ZBTB44: variants seen among roughly 807,000 people sequenced by gnomAD.
ZBTB44 encodes the protein zinc finger and BTB domain containing 44, also known as zinc finger and BTB domain-containing protein 44.
Under a neutral mutation model 54.0 loss-of-function variants are expected in ZBTB44, and 15 were observed. The observed-to-expected ratio is 0.28, with a 90% CI of 0.19 to 0.43. The LOEUF (loss-of-function observed/expected upper bound fraction) is 0.43. ZBTB44 is among the 20% of genes least tolerant of loss of function. ZBTB44 has a pLI of 1.00. For missense variants in ZBTB44, 487 were observed against 707.1 expected, an observed-to-expected ratio of 0.69 and a Z score of 3.53; for synonymous variants, 230 against 250.1, an observed-to-expected ratio of 0.92 and a Z score of 0.76.
chr11:130,273,985 G>A (rs1939870733), intron 1 of ZBTB44, among the ~76,000 whole-genome samples: 1 of 151,838 alleles, frequency 6.6e-6, no homozygotes, highest in Non-Finnish European at 1.5e-5. Context: ...CTAGTAGGGG[G>A]GCTGAGGCAG....
intron 1 of ZBTB44, among the ~76,000 whole-genome samples, chr11:130,303,292 G>A (rs893022413): frequency 1.3e-5 from 2 of 152,256 alleles, no homozygotes; most frequent in East Asian, 1.9e-4. Flanking sequence ...TGCTGAGTGC[G>A]TAAAAAACTA....
In ZBTB44 at chr11:130,238,575, T is replaced by C. The variant is rs1405350755; in HGVS notation, c.1136A>G (p.Tyr379Cys). Residue 379 changes from tyrosine to cysteine, a missense_variant, in exon 4 of 8, where the codon TAC becomes TGC. Tyr to Cys is a radical substitution (Grantham distance 194). Around this residue, in one of 3 missense-constraint regions of ZBTB44, gnomAD observed 277 missense variants for 306.5 expected, o/e 0.90. Coordinates refer to ENST00000357899, the MANE Select transcript of ZBTB44 (RefSeq NM_001301098.2). ...TGTACTGCTGGTGGAAGGAGCAATG[T>C]AGAGTTGGTAGGGATACTGAACATT... is the stretch of plus-strand genomic sequence containing the variant. ...LENVQYPYQL[Y>C]IAPSTSSTER... The C allele has an allele frequency of 1.9e-6, 3 of 1,612,824 alleles. No homozygotes were observed. The African/African-American group carries it at 4.0e-5, about 22-fold the overall frequency.
intron 1 of ZBTB44, among the ~76,000 whole-genome samples, chr11:130,265,300 C>T (rs1939173247): frequency 6.6e-6 from 1 of 152,112 alleles, no homozygotes; most frequent in Non-Finnish European, 1.5e-5. Context: ...AATCTTGGCT[C>T]ACTGCAACCT....
At chr11:130,270,965 C>T (rs1225176760) in intron 1 of ZBTB44, among the ~76,000 whole-genome samples, 2 of 152,064 alleles carry the variant, frequency 1.3e-5, no homozygotes, top group East Asian at 1.9e-4. Flanking sequence ...GAGCTGAAGA[C>T]ATGTAAAGAA....
chr11:130,244,667 G>GGGAAAAA (rs1257316227), intron 2 of ZBTB44, among the ~76,000 whole-genome samples: 11 of 104,794 alleles, frequency 1.0e-4, no homozygotes, highest in African/African-American at 3.6e-4. Context: ...ACTCTGTCTG[G>GGGAAAAA]AAAAAAAAAA....
intron 3 of ZBTB44, chr11:130,238,858 C>T (rs1182884575): frequency 6.6e-6 from 2 of 301,230 alleles, no homozygotes; most frequent in African/African-American, 4.4e-5. Context: ...CTTTAGAAGG[C>T]ATAGCAAGGC....
At chr11:130,292,138 A>AT (rs1941337227) in intron 1 of ZBTB44, among the ~76,000 whole-genome samples, 1 of 152,208 alleles carries the variant, frequency 6.6e-6, no homozygotes, top group Non-Finnish European at 1.5e-5. Flanking sequence ...CATTGCATGG[A>AT]TGTAACACAA....
At chr11:130,308,685 T>A (rs187034970) in intron 1 of ZBTB44, among the ~76,000 whole-genome samples, 37 of 152,358 alleles carry the variant, frequency 2.4e-4, no homozygotes, top group Non-Finnish European at 5.9e-5. Flanking sequence ...TGGCTACACA[T>A]ACCCATGCAA....
chr11:130,304,687 T>C (rs1268764089), intron 1 of ZBTB44, among the ~76,000 whole-genome samples: 9 of 152,138 alleles, frequency 5.9e-5, no homozygotes, highest in Non-Finnish European at 1.0e-4. Flanking sequence ...AAACAAACTA[T>C]AGAAATGATC....
intron 1 of ZBTB44, among the ~76,000 whole-genome samples, chr11:130,269,641 C>T (rs1939527291): frequency 6.6e-6 from 1 of 152,050 alleles, no homozygotes; most frequent in South Asian, 2.1e-4. Flanking sequence ...TGGGTTGAAA[C>T]AATTTTGCCA....
chr11:130,291,717 A>G (rs1169815359), intron 1 of ZBTB44, among the ~76,000 whole-genome samples: 1 of 152,164 alleles, frequency 6.6e-6, no homozygotes, highest in Non-Finnish European at 1.5e-5. Flanking sequence ...TATACACTCT[A>G]ATCTCTCCAA....
At chr11:130,298,839 AC>A (rs1750124401) in intron 1 of ZBTB44, among the ~76,000 whole-genome samples, 1 of 151,788 alleles carries the variant, frequency 6.6e-6, no homozygotes, top group Non-Finnish European at 1.5e-5. Context: ...CCAGACACAC[AC>A]ACACACACAC....
rs1186131958 is a variant in ZBTB44, at chr11:130,229,818, T to A, written c.*1946A>T. ...AACTTACTTACAGTGAAAACTACAT[T>A]TATTTATTACCTTCTGGCAACTTTG... On this transcript the variant is annotated 3_prime_UTR_variant, in exon 8 of 8. Coordinates refer to ENST00000357899, the MANE Select transcript of ZBTB44 (RefSeq NM_001301098.2). 2 of 152,142 alleles carry A rather than the reference T, an allele frequency of 1.3e-5. No homozygotes were observed. The highest frequency in any genetic ancestry group is 2.9e-5 in the Non-Finnish European group (2 of 67,998). The allele number at this position is 152,142 out of a possible 1,614,324, so 9.4% of individuals were successfully genotyped here.
At chr11:130,244,100 C>A (rs1954520644) in intron 2 of ZBTB44, among the ~76,000 whole-genome samples, 3 of 152,190 alleles carry the variant, frequency 2.0e-5, no homozygotes, top group Admixed American at 6.5e-5. Flanking sequence ...GATCTACTTA[C>A]CTCCCTGGGC....
chr11:130,287,479 G>A (rs17139271), intron 1 of ZBTB44, among the ~76,000 whole-genome samples: 5,966 of 152,124 alleles, frequency 0.039, 283 homozygotes, highest in African/African-American at 0.11. Flanking sequence ...CAGCATGTTC[G>A]ATAAGCACAA....
At chr11:130,263,045 A>G (rs1481467793) in intron 1 of ZBTB44, among the ~76,000 whole-genome samples, 1 of 152,224 alleles carries the variant, frequency 6.6e-6, no homozygotes, top group Non-Finnish European at 1.5e-5. Context: ...TTGGTGACAG[A>G]GTAAGACCCC....
chr11:130,286,099 G>A (rs1940943836), intron 1 of ZBTB44, among the ~76,000 whole-genome samples: 1 of 152,116 alleles, frequency 6.6e-6, no homozygotes, highest in Non-Finnish European at 1.5e-5. Context: ...AAAAATGTTA[G>A]GACTCATTAC....
chr11:130,296,259 T>C (rs1941636744), intron 1 of ZBTB44: 2 of 1,439,054 alleles, frequency 1.4e-6, no homozygotes, highest in Non-Finnish European at 9.5e-7. Flanking sequence ...TGAGCAGGGA[T>C]ATGTTGTTTG....
rs577123631 is a variant in ZBTB44 at position 130,306,514 on chromosome 11, G to A, written c.-57+7861C>T. 4.2e-3 allele frequency among the ~76,000 whole-genome samples: 629 copies of A among 149,242 alleles called. 2 individuals carry two copies. The highest frequency in any genetic ancestry group is 6.4e-3 in the Non-Finnish European group (429 of 67,462). On this transcript the variant is annotated intron_variant, in intron 1 of 7. Transcript: ENST00000357899. ...CTAAACTCCACTCAAAAAAAAAAAA[G>A]AACTAAAAGTAGAACTACCATTTGA... is the stretch of plus-strand genomic sequence containing the variant.
Sources: allele counts gnomAD v4.1 joint callset (sites outside exome capture counted in the v4.1 genomes callset), GRCh38; gene constraint gnomAD v4.1.1; regional missense constraint gnomAD v4.1.1; transcripts MANE v1.5; gene names NCBI Gene and HGNC (gene_info 2026-07-23, HGNC 2026-07-21).